The following CSGALNACT1 variants were observed in gnomAD, a reference collection of about 807,000 sequenced individuals.
CSGALNACT1 encodes chondroitin sulfate N-acetylgalactosaminyltransferase 1.
CSGALNACT1 carries 52 observed loss-of-function variants against 51.0 expected under a neutral mutation model. That is an observed-to-expected ratio of 1.02 (90% CI 0.82 to 1.29). CSGALNACT1 has a LOEUF of 1.29. Among genes scored for constraint, CSGALNACT1 ranks in the 50% most tolerant of loss-of-function variants. The pLI, the probability that CSGALNACT1 is intolerant of heterozygous loss-of-function variation, is 0.00. For missense variants in CSGALNACT1, 935 were observed against 679.2 expected (o/e 1.38, Z -4.19); for synonymous variants, 341 against 254.4 (o/e 1.34, Z -3.24).
intron 1 of CSGALNACT1, among the ~76,000 whole-genome samples, chr8:19,704,669 T>C (rs1378429359): frequency 4.6e-5 from 7 of 152,170 alleles, no homozygotes; most frequent in Admixed American, 4.6e-4. Context: ...ACAATTTAAG[T>C]ACCCATAGAC....
chr8:19,592,298 G>C (rs527721052), intron 2 of CSGALNACT1, among the ~76,000 whole-genome samples: 1 of 152,248 alleles, frequency 6.6e-6, no homozygotes, highest in African/African-American at 2.4e-5. Flanking sequence ...TTGCACTTTT[G>C]TTATATAAGA....
intron 1 of CSGALNACT1, among the ~76,000 whole-genome samples, chr8:19,672,469 C>G (rs112458685): frequency 3.9e-5 from 6 of 152,218 alleles, no homozygotes; most frequent in Non-Finnish European, 8.8e-5. Context: ...TATTCAGCAT[C>G]GCTTTAACAA....
intron 1 of CSGALNACT1, among the ~76,000 whole-genome samples, chr8:19,637,776 G>A (rs1436233369): frequency 6.6e-6 from 1 of 152,010 alleles, no homozygotes; most frequent in Non-Finnish European, 1.5e-5. Flanking sequence ...TAACTGACAA[G>A]GGAAATTACA....
intron 1 of CSGALNACT1, among the ~76,000 whole-genome samples, chr8:19,668,656 G>T (rs958865824): frequency 2.0e-5 from 3 of 152,100 alleles, no homozygotes; most frequent in Admixed American, 2.0e-4. Context: ...CTCAGTTCAA[G>T]CAATTCTCCT....
upstream of CSGALNACT1, among the ~76,000 whole-genome samples, chr8:19,684,375 T>C (rs1233032026): frequency 1.3e-5 from 2 of 152,178 alleles, no homozygotes; most frequent in Non-Finnish European, 2.9e-5. Context: ...AATAACTATC[T>C]CTGCTCCCAA....
chr8:19,446,553 G>C (rs1296245543), intron 5 of CSGALNACT1, among the ~76,000 whole-genome samples: 1 of 151,942 alleles, frequency 6.6e-6, no homozygotes, highest in Non-Finnish European at 1.5e-5. Flanking sequence ...AGAGAGTCTC[G>C]CTCTCTCACC....
intron 8 of CSGALNACT1, among the ~76,000 whole-genome samples, chr8:19,414,702 C>A (rs1389556228): frequency 6.6e-6 from 1 of 152,178 alleles, no homozygotes; most frequent in Admixed American, 6.5e-5. Context: ...GAATAACATA[C>A]ATTGACTAAT....
intron 3 of CSGALNACT1, among the ~76,000 whole-genome samples, chr8:19,577,681 A>C (rs2044585148): frequency 6.6e-6 from 1 of 152,008 alleles, no homozygotes; most frequent in Non-Finnish European, 1.5e-5. Context: ...AGGGCAAATA[A>C]GACACACTCC....
At chr8:19,733,202 G>A (rs764768355) in intron 1 of CSGALNACT1, among the ~76,000 whole-genome samples, 18 of 152,154 alleles carry the variant, frequency 1.2e-4, no homozygotes, top group Non-Finnish European at 2.4e-4. Context: ...GCTTTATATG[G>A]AAGGTATCTC....
upstream of CSGALNACT1, chr8:19,682,783 G>C (rs1427984542): frequency 2.2e-6 from 1 of 453,874 alleles, no homozygotes; most frequent in East Asian, 7.0e-5. Context: ...TTTGAGGTCT[G>C]GTTTTAAGCA....
intron 7 of CSGALNACT1, 129 bp from the exon 7 acceptor site, chr8:19,418,879 C>A: frequency 1.4e-6 from 1 of 710,430 alleles, no homozygotes; most frequent in Non-Finnish European, 2.6e-6. Flanking sequence ...GAGGCAGTCT[C>A]ACTGTCACCC....
intron 1 of CSGALNACT1, among the ~76,000 whole-genome samples, chr8:19,738,947 A>C (rs2064148277): frequency 6.6e-6 from 1 of 152,176 alleles, no homozygotes; most frequent in South Asian, 2.1e-4. Context: ...GAGACTAAAC[A>C]ATCAAATGCA....
intron 3 of CSGALNACT1, among the ~76,000 whole-genome samples, chr8:19,539,008 G>A (rs1471958275): frequency 2.0e-5 from 3 of 152,118 alleles, no homozygotes; most frequent in Admixed American, 2.0e-4. Flanking sequence ...TGGGCATACA[G>A]GAGAAACTAC....
intron 2 of CSGALNACT1, among the ~76,000 whole-genome samples, chr8:19,594,282 A>C (rs561825223): frequency 6.6e-6 from 1 of 152,346 alleles, no homozygotes; most frequent in East Asian, 1.9e-4. Context: ...CACAATATAG[A>C]AATAAGGCAA....
intron 1 of CSGALNACT1, among the ~76,000 whole-genome samples, chr8:19,621,012 A>G (rs1730470861): frequency 1.3e-5 from 2 of 152,202 alleles, no homozygotes; most frequent in African/African-American, 4.8e-5. Context: ...ATGTTGTGAG[A>G]AGTTAGAGGT....
Position 19,509,113 on chromosome 8 carries a change from C to T in CSGALNACT1, c.-296-2983G>A, listed in dbSNP as rs74576518. ...CCTTTGAAACGTCAGAAGCAGATAA[C>T]GTGTGTCGGAAACAAAATTCCATTC... is the stretch of plus-strand genomic sequence containing the variant. On this transcript the variant is annotated intron_variant, in intron 3 of 9. Coordinates refer to ENST00000454498, the Ensembl canonical transcript of CSGALNACT1. Among the ~76,000 whole-genome samples, 72 of 152,266 alleles carry T rather than the reference C, an allele frequency of 4.7e-4. No individual in the cohort carries two copies. In the East Asian group the frequency reaches 0.011, roughly 23 times the overall value.
At chr8:19,750,305 G>C (rs1675989276) in intron 1 of CSGALNACT1, among the ~76,000 whole-genome samples, 2 of 152,198 alleles carry the variant, frequency 1.3e-5, no homozygotes, top group Non-Finnish European at 2.9e-5. Flanking sequence ...CTGCTGTCAG[G>C]TTTGTCCCAG....
At chr8:19,564,567 T>G (rs559067441) in intron 3 of CSGALNACT1, among the ~76,000 whole-genome samples, 1 of 152,120 alleles carries the variant, frequency 6.6e-6, no homozygotes, top group African/African-American at 2.4e-5. Context: ...CTGCCCACAC[T>G]CATTCTTGCC....
intron 1 of CSGALNACT1, among the ~76,000 whole-genome samples, chr8:19,637,684 T>C (rs2056251427): frequency 6.6e-6 from 1 of 152,212 alleles, no homozygotes; most frequent in Non-Finnish European, 1.5e-5. Context: ...AAACTGAGCC[T>C]AAGTTTTAAA....
Sources: allele counts gnomAD v4.1 joint callset (sites outside exome capture counted in the v4.1 genomes callset), GRCh38; gene constraint gnomAD v4.1.1; transcripts MANE v1.5; gene names NCBI Gene and HGNC (gene_info 2026-07-23, HGNC 2026-07-21).